NRXN1: variants seen among roughly 807,000 people sequenced by gnomAD.
The protein encoded by NRXN1 is neurexin 1, also known as neurexin-1.
A neutral mutation model predicts 150.9 loss-of-function variants in NRXN1; 39 were observed. The ratio of observed to expected loss-of-function variants is 0.26; its 90% CI spans 0.20 to 0.34. The LOEUF is 0.34. Ranked by LOEUF, NRXN1 falls within the 10% of genes least tolerant of loss-of-function variation. The pLI, the probability that NRXN1 is intolerant of heterozygous loss-of-function variation, is 1.00. For synonymous variants in NRXN1, 924 were observed against 757.0 expected, an observed-to-expected ratio of 1.22 and a Z score of -3.62; for missense variants, 1,815 against 1,949.9, an observed-to-expected ratio of 0.93 and a Z score of 1.30.
intron 18 of NRXN1, among the ~76,000 whole-genome samples, chr2:50,095,192 A>G (rs1164028623): frequency 6.6e-6 from 1 of 152,276 alleles, no homozygotes; most frequent in Non-Finnish European, 1.5e-5. Flanking sequence ...AGCTGATTTT[A>G]CTTTTTATGT....
intron 17 of NRXN1, among the ~76,000 whole-genome samples, chr2:50,424,171 AG>A (rs2084263684): frequency 2.8e-5 from 1 of 35,666 alleles, no homozygotes; most frequent in African/African-American, 1.3e-4. Context: ...GAGGAGGAGG[AG>A]GGGGAGGAGG....
chr2:50,044,262 TA>T (rs929699896), intron 21 of NRXN1, among the ~76,000 whole-genome samples: 3 of 152,126 alleles, frequency 2.0e-5, no homozygotes, highest in Admixed American at 2.0e-4. Flanking sequence ...AAGATGAAGA[TA>T]AAAAAATGTA....
intron 19 of NRXN1, among the ~76,000 whole-genome samples, chr2:50,083,795 T>G (rs955384042): frequency 1.3e-5 from 2 of 151,898 alleles, no homozygotes; most frequent in African/African-American, 4.8e-5. Flanking sequence ...ACCTCCCCAC[T>G]AGATAAGCTA....
chr2:50,298,074 T>G (rs963261695), intron 17 of NRXN1, among the ~76,000 whole-genome samples: 6 of 152,046 alleles, frequency 3.9e-5, no homozygotes, highest in Admixed American at 1.3e-4. Flanking sequence ...TCAATATTAA[T>G]ATTAAGATTA....
At chr2:50,900,927 C>A (rs1409579930) in intron 5 of NRXN1, among the ~76,000 whole-genome samples, 1 of 152,114 alleles carries the variant, frequency 6.6e-6, no homozygotes, top group Admixed American at 6.5e-5. Context: ...TGAATTACCT[C>A]TTCAATTCTC....
chr2:50,256,943 A>G (rs2067758543), intron 17 of NRXN1, among the ~76,000 whole-genome samples: 1 of 152,086 alleles, frequency 6.6e-6, no homozygotes, highest in African/African-American at 2.4e-5. Context: ...AAATGTGACT[A>G]TTATGTGAGA....
chr2:50,416,064 A>G (rs2083516045), intron 17 of NRXN1, among the ~76,000 whole-genome samples: 1 of 151,978 alleles, frequency 6.6e-6, no homozygotes, highest in South Asian at 2.1e-4. Context: ...TGGGAATACC[A>G]TGGTGAGCAA....
chr2:50,547,776 G>C (rs2093528143), intron 9 of NRXN1, among the ~76,000 whole-genome samples: 1 of 152,130 alleles, frequency 6.6e-6, no homozygotes, highest in African/African-American at 2.4e-5. Context: ...CTTACTGCAG[G>C]ATCTGGAAGT....
intron 2 of NRXN1, among the ~76,000 whole-genome samples, chr2:50,927,890 A>G (rs1014791464): frequency 4.6e-5 from 7 of 151,918 alleles, no homozygotes; most frequent in Non-Finnish European, 7.4e-5. Context: ...AAAAAAAAGG[A>G]AAGAAAAGCA....
chr2:50,053,198 AC>A lies in NRXN1; in HGVS notation c.4128+72del. 4 of 1,468,678 alleles carry A rather than the reference AC, an allele frequency of 2.7e-6. No homozygotes were observed. The East Asian group carries it at 9.1e-5, about 33-fold the overall frequency. The allele number at this position is 1,468,678 out of a possible 1,614,324, so 91.0% of individuals were successfully genotyped here. On this transcript the variant is annotated intron_variant, in intron 21 of 22. Transcript: ENST00000401669. ...AGAAAAATGTTCCAATTTAGAAAAG[AC>A]GCATATGCAGAAAAGCCCACTATCA... is the stretch of plus-strand genomic sequence containing the variant.
intron 5 of NRXN1, among the ~76,000 whole-genome samples, chr2:50,900,449 T>C (rs1682749701): frequency 6.6e-6 from 1 of 152,142 alleles, no homozygotes; most frequent in African/African-American, 2.4e-5. Context: ...CTTTCTATTA[T>C]AAGCATATTT....
intron 22 of NRXN1, among the ~76,000 whole-genome samples, chr2:49,929,206 G>GGCT (rs772676149): frequency 6.6e-6 from 1 of 152,086 alleles, no homozygotes; most frequent in Admixed American, 6.6e-5. Context: ...AACTAGGACA[G>GGCT]GCTGCTACCT....
chr2:50,725,355 AC>A (rs889490083), intron 5 of NRXN1, among the ~76,000 whole-genome samples: 34 of 151,778 alleles, frequency 2.2e-4, no homozygotes, highest in African/African-American at 7.7e-4. Context: ...AAAAAAAAAA[AC>A]CCACAAAACT....
Position 50,347,529 on chromosome 2 carries a change from G to A in NRXN1, c.3365-110559C>T. 1 of 1,046,494 alleles carries A rather than the reference G, an allele frequency of 9.6e-7. No homozygotes were observed. The highest frequency in any genetic ancestry group is 1.2e-6 in the Non-Finnish European group (1 of 866,130). The allele number at this position is 1,046,494 out of a possible 1,614,324, so 64.8% of individuals were successfully genotyped here. ...AGCCCCGGCCGGCTCGCCCGCTAGC[G>A]CCAGCCTCCCCCGGGCAGCGCGCGG... On this transcript the variant is annotated intron_variant, in intron 17 of 22. Coordinates refer to ENST00000401669, the MANE Select transcript of NRXN1 (RefSeq NM_001330078.2). This position sits in a 1 kb window ranked among gnomAD's most constrained non-coding sequence, Gnocchi z 4.9.
At chr2:50,494,783 A>G (rs1367864800) in intron 15 of NRXN1, among the ~76,000 whole-genome samples, 3 of 152,174 alleles carry the variant, frequency 2.0e-5, no homozygotes, top group Admixed American at 2.0e-4. Context: ...CTGTAATCCT[A>G]GCATTTTGGG....
intron 17 of NRXN1, among the ~76,000 whole-genome samples, chr2:50,300,356 T>A (rs904679357): frequency 6.6e-6 from 1 of 152,204 alleles, no homozygotes; most frequent in East Asian, 1.9e-4. Context: ...TAATTTTCTC[T>A]TATGTACTCA....
At chr2:50,557,023 G>A (rs1179810107) in intron 8 of NRXN1, among the ~76,000 whole-genome samples, 4 of 152,096 alleles carry the variant, frequency 2.6e-5, no homozygotes, top group Non-Finnish European at 5.9e-5. Flanking sequence ...CCAGGATATT[G>A]TTCTCTACTT....
intron 18 of NRXN1, among the ~76,000 whole-genome samples, chr2:50,102,309 C>T (rs900474295): frequency 1.3e-5 from 2 of 151,996 alleles, no homozygotes; most frequent in Admixed American, 6.6e-5. Flanking sequence ...AAACACCATA[C>T]CACTCATCCC....
chr2:50,205,967 C>T (rs1286033861), intron 18 of NRXN1, among the ~76,000 whole-genome samples: 1 of 151,922 alleles, frequency 6.6e-6, no homozygotes, highest in Non-Finnish European at 1.5e-5. Context: ...GAAGGGATGT[C>T]TTTCAGGGGG....
Sources: gnomAD v4.1 joint callset for allele counts (sites outside exome capture counted in the v4.1 genomes callset) on GRCh38, gnomAD v4.1.1 for gene constraint, Gnocchi (gnomAD v3.1) non-coding constraint, MANE v1.5 for transcripts, NCBI Gene and HGNC (gene_info 2026-07-23, HGNC 2026-07-21) for gene names.